The following CNKSR2 variants were observed in gnomAD, a reference collection of about 807,000 sequenced individuals.
CNKSR2 encodes CNK homolog protein 2.
In CNKSR2, 14 loss-of-function variants were observed where a neutral mutation model predicts 84.4. The observed-to-expected ratio is 0.17, with a 90% CI of 0.11 to 0.26. The LOEUF (loss-of-function observed/expected upper bound fraction) is 0.26, where lower values mean the gene tolerates loss of function less well. Among genes scored for constraint, CNKSR2 ranks in the 10% least tolerant of loss-of-function variants. The pLI is 1.00. For synonymous variants in CNKSR2, 275 were observed against 277.9 expected (o/e 0.99, Z 0.10); for missense variants, 485 against 771.2 (o/e 0.63, Z 4.40).
At chrX:21,488,015 AT>A (rs749576786) in intron 5 of CNKSR2, among the ~76,000 whole-genome samples, 40 of 112,374 alleles carry the variant, frequency 3.6e-4, no homozygotes, top group African/African-American at 9.7e-4. Flanking sequence ...CAGGGGAATG[AT>A]CTTCCTGTTG....
chrX:21,570,020 C>T (rs1035211381), intron 13 of CNKSR2, among the ~76,000 whole-genome samples: 3 of 111,947 alleles, frequency 2.7e-5, no homozygotes, highest in South Asian at 3.7e-4. Flanking sequence ...AATTTAGCAT[C>T]GTTCTCAAGG....
intron 20 of CNKSR2, among the ~76,000 whole-genome samples, chrX:21,617,485 C>T (rs1398172621): frequency 4.5e-5 from 5 of 111,817 alleles, no homozygotes; most frequent in Admixed American, 9.5e-5. Flanking sequence ...TAATAACTTG[C>T]TTATTGCAAA....
intron 13 of CNKSR2, among the ~76,000 whole-genome samples, chrX:21,576,597 C>T (rs770288255): frequency 9.0e-6 from 1 of 111,293 alleles, no homozygotes; most frequent in South Asian, 3.8e-4. Context: ...AATTGACGAA[C>T]ATCTAGCAAG....
intron 1 of CNKSR2, among the ~76,000 whole-genome samples, chrX:21,400,883 G>A (rs2090182214): frequency 9.0e-6 from 1 of 111,399 alleles, no homozygotes; most frequent in African/African-American, 3.2e-5. Flanking sequence ...GTTTCATTAT[G>A]TGTGGGCTGA....
Position 21,424,268 on chromosome X carries a change from C to A in CNKSR2, c.65-2229C>A, listed in dbSNP as rs147651989. On this transcript the variant is annotated intron_variant, in intron 1 of 21. Transcript: ENST00000379510. ...CTCATTTCCCAGTCACTGCTCAATC[C>A]CGTAGTCTGTCTGGCTTCTCTTTGC... The A allele has an allele frequency of 1.7e-3, 186 of 111,791 alleles. 1 individual carries two copies. The highest frequency in any genetic ancestry group is 5.7e-3 in the African/African-American group (177 of 30,813). 9.2% of individuals were successfully genotyped at this position (111,791 alleles called of 1,213,427 possible). A position where few individuals can be genotyped will look rare whatever the true frequency, so the allele number is the denominator to read the frequency against.
chrX:21,553,361 A>G (rs929136677), intron 11 of CNKSR2, among the ~76,000 whole-genome samples: 2 of 110,574 alleles, frequency 1.8e-5, no homozygotes, highest in Non-Finnish European at 3.8e-5. Context: ...GTTTTTTTTC[A>G]CTGAATATCT....
intron 9 of CNKSR2, among the ~76,000 whole-genome samples, chrX:21,519,836 A>G (rs1231368114): frequency 9.0e-6 from 1 of 111,199 alleles, no homozygotes; most frequent in Middle Eastern, 4.7e-3. Context: ...AGGCACTGAT[A>G]CATGTATCTT....
At chrX:21,611,300 TGGAGAAAACA>T (rs1441741718) in intron 20 of CNKSR2, among the ~76,000 whole-genome samples, 5 of 112,646 alleles carry the variant, frequency 4.4e-5, no homozygotes, top group Non-Finnish European at 7.5e-5. Context: ...TTACAAACAT[TGGAGAAAACA>T]CTTTATCTCA....
intron 11 of CNKSR2, among the ~76,000 whole-genome samples, chrX:21,551,404 G>C (rs1039346953): frequency 8.9e-6 from 1 of 112,305 alleles, no homozygotes; most frequent in South Asian, 3.7e-4. Context: ...ATAAAGTTCG[G>C]TGGTATTCAT....
intron 2 of CNKSR2, among the ~76,000 whole-genome samples, chrX:21,431,084 A>T (rs2090628442): frequency 8.9e-6 from 1 of 111,948 alleles, no homozygotes; most frequent in Admixed American, 9.5e-5. Flanking sequence ...TAGTGGTAAC[A>T]TACATAACTT....
chrX:21,648,723 A>AATTTTCC, intron 20 of CNKSR2, 108 bp from the exon 21 acceptor site: 1 of 613,791 alleles, frequency 1.6e-6, no homozygotes, highest in East Asian at 3.9e-5. Flanking sequence ...TATTTTAATA[A>AATTTTCC]ATTTTCCATG....
intron 6 of CNKSR2, 98 bp downstream of exon 6, chrX:21,490,676 C>T: frequency 1.1e-6 from 1 of 902,841 alleles, no homozygotes; most frequent in Non-Finnish European, 1.5e-6. Context: ...TGAATTTCAA[C>T]AGACACTGAA....
chrX:21,494,902 T>C (rs998414137), intron 6 of CNKSR2: 1 of 111,670 alleles, frequency 9.0e-6, no homozygotes, highest in Non-Finnish European at 1.9e-5. Context: ...TTCGCCACAG[T>C]TGCCAAATTC....
chrX:21,537,490 G>A (rs2091938954), intron 11 of CNKSR2, among the ~76,000 whole-genome samples: 1 of 110,809 alleles, frequency 9.0e-6, no homozygotes, highest in African/African-American at 3.3e-5. Flanking sequence ...ATTATATAGG[G>A]GTCTATCTCT....
At chrX:21,480,902 ACTT>A (rs2091312299) in intron 5 of CNKSR2, among the ~76,000 whole-genome samples, 1 of 112,122 alleles carries the variant, frequency 8.9e-6, no homozygotes, top group African/African-American at 3.2e-5. Context: ...TTTGATATTT[ACTT>A]GCCAAACAAT....
intron 3 of CNKSR2, among the ~76,000 whole-genome samples, chrX:21,437,048 T>A (rs1360103357): frequency 1.8e-5 from 2 of 112,065 alleles, no homozygotes; most frequent in Admixed American, 9.5e-5. Flanking sequence ...CTTTTCATTT[T>A]TTCTTGAAAT....
intron 11 of CNKSR2, among the ~76,000 whole-genome samples, chrX:21,534,418 A>G (rs141208871): frequency 0.069 from 7,626 of 110,024 alleles, 672 homozygotes; most frequent in African/African-American, 0.24. Context: ...TATCTCTTTG[A>G]CATACTGATT....
At position 21,648,949 on chromosome X, in the gene CNKSR2, A is replaced by G; in HGVS notation, c.2811A>G (p.Leu937=). ...TTTCAACCAAGATGGAATACAAGCT[A>G]TCATTTATAAAAAGATGTAATGATC... is the stretch of plus-strand genomic sequence containing the variant. ...HRISTKMEYK[L]SFIKRCNDPV... Residue 937 remains leucine (L), a synonymous_variant, in exon 21 of 22, where the codon CTA becomes CTG. Coordinates refer to ENST00000379510, the MANE Select transcript of CNKSR2 (RefSeq NM_014927.5). 3.3e-6 allele frequency: 4 copies of G among 1,202,463 alleles called. No homozygotes were observed. Among genetic ancestry groups the G allele is most frequent in the Non-Finnish European group, 4.5e-6 (4 of 887,693 alleles).
At chrX:21,393,600 G>C (rs2090080923) in intron 1 of CNKSR2, among the ~76,000 whole-genome samples, 1 of 112,177 alleles carries the variant, frequency 8.9e-6, no homozygotes, top group Non-Finnish European at 1.9e-5. Flanking sequence ...GCTAGCTATT[G>C]CAGTAATACA....
Sources: allele counts gnomAD v4.1 joint callset (sites outside exome capture counted in the v4.1 genomes callset), GRCh38; gene constraint gnomAD v4.1.1; transcripts MANE v1.5; gene names NCBI Gene and HGNC (gene_info 2026-07-23, HGNC 2026-07-21).